SLC9A9: variants seen among roughly 807,000 people sequenced by gnomAD.
SLC9A9 encodes sodium/hydrogen exchanger 9.
A neutral mutation model predicts 77.8 loss-of-function variants in SLC9A9; 62 were observed. The observed-to-expected ratio is 0.80, with a 90% CI of 0.65 to 0.98. The LOEUF (loss-of-function observed/expected upper bound fraction) is 0.98, where lower values mean the gene tolerates loss of function less well. SLC9A9 is among the 50% of genes least tolerant of loss of function. SLC9A9 has a pLI of 0.00. For synonymous variants in SLC9A9, 320 were observed against 283.5 expected (o/e 1.13, Z -1.29); for missense variants, 775 against 774.9 (o/e 1.00, Z 0.00).
At chr3:143,296,652 C>G (rs185195569) in intron 14 of SLC9A9, among the ~76,000 whole-genome samples, 19 of 152,214 alleles carry the variant, frequency 1.2e-4, no homozygotes, top group Non-Finnish European at 2.8e-4. Flanking sequence ...CTCACCAACA[C>G]TGTACAAGGG....
At chr3:143,661,047 G>A (rs1451469128) in intron 5 of SLC9A9, among the ~76,000 whole-genome samples, 1 of 152,122 alleles carries the variant, frequency 6.6e-6, no homozygotes, top group Non-Finnish European at 1.5e-5. Context: ...TTATTTGAAA[G>A]TTTTTACCAT....
At chr3:143,551,762 G>A (rs772454656) in intron 9 of SLC9A9, among the ~76,000 whole-genome samples, 1 of 152,158 alleles carries the variant, frequency 6.6e-6, no homozygotes, top group Non-Finnish European at 1.5e-5. Flanking sequence ...TCTTGATAAC[G>A]AACCTCTTGA....
chr3:143,686,239 C>A (rs1933259291), intron 5 of SLC9A9, among the ~76,000 whole-genome samples: 1 of 151,970 alleles, frequency 6.6e-6, no homozygotes, highest in Admixed American at 6.6e-5. Flanking sequence ...ATTAAAAGCT[C>A]GCTGTTCTAG....
intron 12 of SLC9A9, among the ~76,000 whole-genome samples, chr3:143,389,278 T>G (rs1576464695): frequency 6.6e-6 from 1 of 152,026 alleles, no homozygotes; most frequent in East Asian, 1.9e-4. Flanking sequence ...AAAAAGAAAC[T>G]GGAGGCATGG....
chr3:143,626,397 A>G (rs1393669167), intron 6 of SLC9A9, among the ~76,000 whole-genome samples: 1 of 152,256 alleles, frequency 6.6e-6, no homozygotes, highest in African/African-American at 2.4e-5. Flanking sequence ...CTGGATTAAG[A>G]AAATGTGGCA....
At chr3:143,422,910 C>T (rs574099959) in intron 12 of SLC9A9, among the ~76,000 whole-genome samples, 1 of 152,210 alleles carries the variant, frequency 6.6e-6, no homozygotes, top group Admixed American at 6.5e-5. Context: ...TGAAAAATGG[C>T]AAATCCAGAG....
At chr3:143,689,532 A>G (rs1237458383) in intron 5 of SLC9A9, among the ~76,000 whole-genome samples, 1 of 151,914 alleles carries the variant, frequency 6.6e-6, no homozygotes, top group East Asian at 1.9e-4. Context: ...CCAAGTAGCT[A>G]TAGCTGGAAC....
intron 5 of SLC9A9, among the ~76,000 whole-genome samples, chr3:143,672,598 G>T (rs995862861): frequency 5.3e-5 from 8 of 152,086 alleles, no homozygotes; most frequent in Non-Finnish European, 1.0e-4. Flanking sequence ...TACTGAAGAG[G>T]CTTTTCTCCA....
chr3:143,652,810 C>CACACACACCCACACAT (rs113827008), intron 5 of SLC9A9, among the ~76,000 whole-genome samples: 2 of 148,160 alleles, frequency 1.3e-5, no homozygotes, highest in Non-Finnish European at 3.0e-5. Flanking sequence ...CACACACACA[C>CACACACACCCACACAT]ACTTCTTGCT....
intron 12 of SLC9A9, among the ~76,000 whole-genome samples, chr3:143,455,812 G>A (rs7610497): frequency 0.013 from 1,981 of 149,632 alleles, 43 homozygotes; most frequent in African/African-American, 0.045. Flanking sequence ...TTTTTTTTAG[G>A]TTTCTTTTTT....
At chr3:143,289,563 A>G (rs989456012) in intron 14 of SLC9A9, among the ~76,000 whole-genome samples, 4 of 152,084 alleles carry the variant, frequency 2.6e-5, no homozygotes, top group Admixed American at 6.5e-5. Context: ...ATGCTCAAGC[A>G]TGGGTGCTAC....
intron 11 of SLC9A9, among the ~76,000 whole-genome samples, chr3:143,473,520 T>A (rs568438374): frequency 6.6e-6 from 1 of 152,340 alleles, no homozygotes; most frequent in South Asian, 2.1e-4. Flanking sequence ...TTTCTGCCTT[T>A]CCTTTGTGCT....
At chr3:143,539,906 G>C (rs754051701) in intron 9 of SLC9A9, among the ~76,000 whole-genome samples, 1 of 152,066 alleles carries the variant, frequency 6.6e-6, no homozygotes, top group Non-Finnish European at 1.5e-5. Context: ...GAGTGTGCAA[G>C]TGAGCACTAT....
At chr3:143,464,567 G>T (rs1008138949) in intron 12 of SLC9A9, among the ~76,000 whole-genome samples, 2 of 152,094 alleles carry the variant, frequency 1.3e-5, no homozygotes, top group Non-Finnish European at 2.9e-5. Flanking sequence ...GCAGGCTCAG[G>T]TGTGCCTGGC....
chr3:143,736,210 G>C (rs1056512731), intron 4 of SLC9A9, among the ~76,000 whole-genome samples: 6 of 151,976 alleles, frequency 3.9e-5, no homozygotes, highest in Non-Finnish European at 8.8e-5. Flanking sequence ...ACTAAATTTA[G>C]TCTCCCCTTG....
chr3:143,560,360 A>T (rs2037060811), intron 8 of SLC9A9, among the ~76,000 whole-genome samples: 1 of 152,152 alleles, frequency 6.6e-6, no homozygotes, highest in Non-Finnish European at 1.5e-5. Context: ...TTTTTCCCTT[A>T]TTCTTGACCT....
chr3:143,281,492 A>T (rs1174249540), intron 14 of SLC9A9, among the ~76,000 whole-genome samples: 1 of 152,198 alleles, frequency 6.6e-6, no homozygotes, highest in African/African-American at 2.4e-5. Flanking sequence ...CAAAGTGGAG[A>T]CAGGGAGCAC....
chr3:143,551,661 G>C (rs563474044), intron 9 of SLC9A9, among the ~76,000 whole-genome samples: 3 of 152,184 alleles, frequency 2.0e-5, no homozygotes, highest in Non-Finnish European at 4.4e-5. Flanking sequence ...TCCTACTAAA[G>C]CTCCTTATGC....
rs1256034342 is a variant in SLC9A9, at chr3:143,406,386, T to A, written c.1470-24272A>T. Reference sequence around the variant, plus strand: ...TAAGATTTTATTTTTCCTGTATCTTTTTTTTTTTGAGATGGAATCTCACTC... The same window carrying A: ...TAAGATTTTATTTTTCCTGTATCTTATTTTTTTTGAGATGGAATCTCACTC... On this transcript the variant is annotated intron_variant, in intron 12 of 15. Coordinates refer to ENST00000316549, the MANE Select transcript of SLC9A9 (RefSeq NM_173653.4). Among the ~76,000 whole-genome samples, 3 of 151,936 alleles carry A rather than the reference T, an allele frequency of 2.0e-5. No individual in the cohort carries two copies. In the East Asian group the frequency reaches 5.8e-4, roughly 29 times the overall value.
Sources: gnomAD v4.1 joint callset for allele counts (sites outside exome capture counted in the v4.1 genomes callset) on GRCh38, gnomAD v4.1.1 for gene constraint, MANE v1.5 for transcripts, NCBI Gene and HGNC (gene_info 2026-07-23, HGNC 2026-07-21) for gene names.